Variants in CALD1 observed in about 807,000 individuals in gnomAD.
CALD1 encodes the protein caldesmon.
CALD1 carries 33 observed loss-of-function variants against 99.9 expected under a neutral mutation model. The ratio of observed to expected loss-of-function variants is 0.33; its 90% CI spans 0.25 to 0.44. The LOEUF (loss-of-function observed/expected upper bound fraction) is 0.44, where lower values mean the gene tolerates loss of function less well. CALD1 is among the 20% of genes least tolerant of loss of function. The pLI, the probability that CALD1 is intolerant of heterozygous loss-of-function variation, is 1.00. For missense variants in CALD1, 861 were observed against 962.1 expected (o/e 0.89, Z 1.39); for synonymous variants, 310 against 325.0 (o/e 0.95, Z 0.50).
intron 3 of CALD1, among the ~76,000 whole-genome samples, chr7:134,884,937 T>A (rs1190226205): frequency 1.3e-5 from 2 of 152,202 alleles, no homozygotes; most frequent in East Asian, 3.8e-4. Flanking sequence ...TCTTTCTTTC[T>A]TTTATTTATT....
intron 5 of CALD1, among the ~76,000 whole-genome samples, chr7:134,934,638 C>T (rs1805817911): frequency 6.6e-6 from 1 of 152,250 alleles, no homozygotes; most frequent in Non-Finnish European, 1.5e-5. Flanking sequence ...AATCCCAGCA[C>T]TTTGGGAGGC....
intron 1 of CALD1, among the ~76,000 whole-genome samples, chr7:134,755,277 G>A (rs1345133834): frequency 1.3e-5 from 2 of 152,058 alleles, no homozygotes; most frequent in Admixed American, 6.5e-5. Flanking sequence ...CTGGGATTAC[G>A]GGCGTGAGCC....
At chr7:134,750,756 G>T (rs973315295) in intron 1 of CALD1, among the ~76,000 whole-genome samples, 11 of 150,230 alleles carry the variant, frequency 7.3e-5, no homozygotes, top group East Asian at 2.0e-4. Flanking sequence ...CTTCTATATT[G>T]TTTTTTTTTC....
At chr7:134,840,075 A>G (rs1254574336) in intron 1 of CALD1, among the ~76,000 whole-genome samples, 3 of 152,276 alleles carry the variant, frequency 2.0e-5, no homozygotes, top group African/African-American at 7.2e-5. Context: ...TTTTAATGCA[A>G]CACAAGTTTT....
chr7:134,796,411 A>T (rs981764247), intron 1 of CALD1, among the ~76,000 whole-genome samples: 1 of 152,056 alleles, frequency 6.6e-6, no homozygotes, highest in Admixed American at 6.6e-5. Context: ...AAATATGAAG[A>T]CTTTTCCTGG....
chr7:134,726,970 C>T, the CALD1 span, among the ~76,000 whole-genome samples: 1 of 152,168 alleles, frequency 6.6e-6, no homozygotes, highest in African/African-American at 2.4e-5. Flanking sequence ...GCAGTACTGC[C>T]GCCAACCTCC....
chr7:134,802,514 A>C (rs1797986257), intron 1 of CALD1, among the ~76,000 whole-genome samples: 1 of 152,234 alleles, frequency 6.6e-6, no homozygotes, highest in Non-Finnish European at 1.5e-5. Context: ...ATTATGAATA[A>C]AGATACAAGA....
At position 134,968,852 on chromosome 7, in the gene CALD1, T is replaced by C. The variant is rs1808861325; in HGVS notation, c.*507T>C. Reference sequence around the variant, plus strand: ...CAGATTTGAAATACTGCAATAATGGTTGTCTTTAAAAAAAAAAAAGAAATG... The same window carrying C: ...CAGATTTGAAATACTGCAATAATGGCTGTCTTTAAAAAAAAAAAAGAAATG... On this transcript the variant is annotated 3_prime_UTR_variant, in exon 15 of 15. Transcript: ENST00000361675. 1 of 183,570 alleles carries C rather than the reference T, an allele frequency of 5.4e-6. No homozygotes were observed. The highest frequency in any genetic ancestry group is 2.3e-5 in the African/African-American group (1 of 42,834). The allele number at this position is 183,570 out of a possible 1,614,324, so 11.4% of individuals were successfully genotyped here.
intron 3 of CALD1, among the ~76,000 whole-genome samples, chr7:134,892,542 G>A (rs763607046): frequency 2.0e-5 from 3 of 152,094 alleles, no homozygotes; most frequent in African/African-American, 4.8e-5. Flanking sequence ...TTGTTCCAGC[G>A]TTTGTGCAAC....
intron 1 of CALD1, among the ~76,000 whole-genome samples, chr7:134,820,088 A>G (rs1798714725): frequency 6.6e-6 from 1 of 152,196 alleles, no homozygotes; most frequent in Non-Finnish European, 1.5e-5. Flanking sequence ...TTGGATTTTC[A>G]TGGAAATTCA....
rs58837080 is a variant in CALD1, at chr7:134,958,872, A to AATATAT, written c.2061+615_2061+620dup. Among the ~76,000 whole-genome samples, 980 of 124,656 alleles carry AATATAT rather than the reference A, an allele frequency of 7.9e-3. 11 individuals carry two copies. Among genetic ancestry groups the AATATAT allele is most frequent in the Middle Eastern group, 0.032 (7 of 222 alleles). 81.8% of individuals were successfully genotyped at this position (124,656 alleles called of 152,430 possible). Reference sequence around the variant, plus strand: ...TAACGAATGGGTTTACTGGTATTTAAATATATATATATATATATATATATA... The same window carrying AATATAT: ...TAACGAATGGGTTTACTGGTATTTAAATATATATATATATATATATATATATATATA... On this transcript the variant is annotated intron_variant, in intron 11 of 14. Transcript: ENST00000361675.
rs1450693879 is a variant in CALD1 at position 134,884,751 on chromosome 7, C to A, written c.71+16947C>A. Among the ~76,000 whole-genome samples, 4 of 151,972 alleles carry A rather than the reference C, an allele frequency of 2.6e-5. No individual in the cohort carries two copies. In the South Asian group the frequency reaches 8.3e-4, roughly 32 times the overall value. ...CACTCCAGAGAAAAAATGACAAGTA[C>A]TTATTGGCCATCTGCTATATAACTA... is the stretch of plus-strand genomic sequence containing the variant. On this transcript the variant is annotated intron_variant, in intron 3 of 14. Transcript: ENST00000361675.
At chr7:134,874,120 T>C (rs529703162) in intron 3 of CALD1, among the ~76,000 whole-genome samples, 6 of 152,302 alleles carry the variant, frequency 3.9e-5, no homozygotes, top group African/African-American at 1.2e-4. Flanking sequence ...GTTTAAGTTA[T>C]TTTTAAAAAT....
At chr7:134,843,703 G>A (rs1043730758) in intron 1 of CALD1, among the ~76,000 whole-genome samples, 181 bp from the exon 2 acceptor site, 20 of 152,154 alleles carry the variant, frequency 1.3e-4, no homozygotes, top group African/African-American at 4.6e-4. Flanking sequence ...TGGACTTTGC[G>A]ATAACTGTAT....
the CALD1 span, among the ~76,000 whole-genome samples, chr7:134,717,945 T>C: frequency 2.6e-5 from 4 of 152,206 alleles, no homozygotes; most frequent in East Asian, 1.9e-4. Flanking sequence ...GCAATATAGA[T>C]GGTTTCTAGA....
intron 2 of CALD1, among the ~76,000 whole-genome samples, chr7:134,856,740 G>A (rs1800320553): frequency 6.6e-6 from 1 of 152,030 alleles, no homozygotes; most frequent in African/African-American, 2.4e-5. Flanking sequence ...TTCCACTAGA[G>A]AAAAACAACC....
chr7:134,847,214 A>G (rs962433821), intron 2 of CALD1, among the ~76,000 whole-genome samples: 2 of 152,190 alleles, frequency 1.3e-5, no homozygotes, highest in East Asian at 1.9e-4. Flanking sequence ...GATGGAGTGG[A>G]AAGAGAAGCT....
intron 2 of CALD1, among the ~76,000 whole-genome samples, chr7:134,857,291 CT>C (rs764788655): frequency 2.0e-3 from 300 of 150,394 alleles, no homozygotes; most frequent in Non-Finnish European, 1.8e-3. Flanking sequence ...GCCTCAGCCT[CT>C]CCGAGTAGCT....
chr7:134,826,649 G>GTA (rs55934795), intron 1 of CALD1, among the ~76,000 whole-genome samples: 14,778 of 152,134 alleles, frequency 0.097, 881 homozygotes, highest in South Asian at 0.22. Context: ...GATAATATTG[G>GTA]TTTTGTATTG....
Sources: gnomAD v4.1 joint callset for allele counts (sites outside exome capture counted in the v4.1 genomes callset) on GRCh38, gnomAD v4.1.1 for gene constraint, MANE v1.5 for transcripts, NCBI Gene and HGNC (gene_info 2026-07-23, HGNC 2026-07-21) for gene names.